Variants in EXT1 observed in about 807,000 individuals in gnomAD.
EXT1 encodes exostosin glycosyltransferase 1.
EXT1 carries 20 observed loss-of-function variants against 82.5 expected under a neutral mutation model. The observed-to-expected ratio is 0.24, with a 90% CI of 0.17 to 0.35. The LOEUF (loss-of-function observed/expected upper bound fraction) is 0.35, where lower values mean the gene tolerates loss of function less well. Among genes scored for constraint, EXT1 ranks in the 10% least tolerant of loss-of-function variants. EXT1 has a pLI of 1.00. For synonymous variants in EXT1, 348 were observed against 350.8 expected, an observed-to-expected ratio of 0.99 and a Z score of 0.09; for missense variants, 757 against 936.5, an observed-to-expected ratio of 0.81 and a Z score of 2.50.
intron 1 of EXT1, among the ~76,000 whole-genome samples, chr8:117,980,600 C>T (rs1815169616): frequency 6.6e-6 from 1 of 151,418 alleles, no homozygotes; most frequent in African/African-American, 2.4e-5. Flanking sequence ...TGCAGAAGAA[C>T]AACTATTCTC....
intron 1 of EXT1, among the ~76,000 whole-genome samples, chr8:117,974,419 T>A (rs994628403): frequency 6.6e-6 from 1 of 152,182 alleles, no homozygotes; most frequent in Admixed American, 6.5e-5. Flanking sequence ...TTCACAAAGC[T>A]GCTTTACAGT....
At chr8:117,902,111 C>A (rs1813461116) in intron 1 of EXT1, among the ~76,000 whole-genome samples, 1 of 151,766 alleles carries the variant, frequency 6.6e-6, no homozygotes, top group Non-Finnish European at 1.5e-5. Flanking sequence ...TCATCAGTAT[C>A]TCTGTCTTCC....
chr8:118,075,651 A>T (rs567500489), intron 1 of EXT1, among the ~76,000 whole-genome samples: 3 of 152,260 alleles, frequency 2.0e-5, no homozygotes, highest in African/African-American at 7.2e-5. Context: ...ATTTATAAAG[A>T]AAAGAGGTTT....
chr8:118,110,399 C>T lies in EXT1; in HGVS notation c.648G>A (p.Leu216=), dbSNP rs2130042468. The T allele has an allele frequency of 6.2e-7, 1 of 1,614,120 alleles. No individual in the cohort carries two copies. Among genetic ancestry groups the T allele is most frequent in the Non-Finnish European group, 8.5e-7 (1 of 1,180,020 alleles). ...TTTCAGTACTGATGCTGGCTTTGGC[C>T]AGCATCGCCTGGCCGATGTCAAACC... The part of the protein sequence containing the change: ...DVGFDIGQAM[L]AKASISTENF... Residue 216 remains leucine (L), a synonymous_variant, in exon 1 of 11, where the codon CTG becomes CTA. Transcript: ENST00000378204.
In EXT1 at chr8:117,796,623, G is replaced by A. The variant is rs1254270602; in HGVS notation, c.*3089C>T. 1 of 152,122 alleles carries A rather than the reference G, an allele frequency of 6.6e-6. No individual in the cohort carries two copies. Among genetic ancestry groups the A allele is most frequent in the Non-Finnish European group, 1.5e-5 (1 of 68,016 alleles). 9.4% of individuals were successfully genotyped at this position (152,122 alleles called of 1,614,324 possible). On this transcript the variant is annotated 3_prime_UTR_variant, in exon 11 of 11. Transcript: ENST00000378204. ...ATTTGTCACAAGAAGAAATTAAACT[G>A]TAATGCACATAAGATTCCAGTAACA...
At chr8:117,930,404 T>C (rs975596708) in intron 1 of EXT1, among the ~76,000 whole-genome samples, 4 of 150,080 alleles carry the variant, frequency 2.7e-5, no homozygotes, top group African/African-American at 9.9e-5. Context: ...AAAAAAAAAA[T>C]AGGACATTTA....
chr8:117,804,956 G>T lies in EXT1; in HGVS notation c.1884-63C>A, dbSNP rs1390841968. ...ATCACATGATGACAAGTGGACTTCTGAGACAGAAAACACATACCCATTCTT... is the reference window on the plus strand; with the variant it reads ...ATCACATGATGACAAGTGGACTTCTTAGACAGAAAACACATACCCATTCTT... On this transcript the variant is annotated intron_variant, in intron 9 of 10. Transcript: ENST00000378204. The T allele has an allele frequency of 9.1e-6, 14 of 1,534,630 alleles. No homozygotes were observed. The Admixed American group carries it at 2.3e-4, about 26-fold the overall frequency.
At chr8:117,852,320 G>A (rs928488498) in intron 1 of EXT1, among the ~76,000 whole-genome samples, 3 of 152,156 alleles carry the variant, frequency 2.0e-5, no homozygotes, top group Non-Finnish European at 4.4e-5. Context: ...AAATGCAAGG[G>A]ACTAATTTAT....
At chr8:118,104,495 G>C (rs1817775322) in intron 1 of EXT1, among the ~76,000 whole-genome samples, 3 of 152,248 alleles carry the variant, frequency 2.0e-5, no homozygotes, top group South Asian at 4.2e-4. Context: ...TCTTCTTCCA[G>C]AGTATGAAGG....
chr8:118,008,056 C>T (rs780425556), intron 1 of EXT1, among the ~76,000 whole-genome samples: 65 of 152,260 alleles, frequency 4.3e-4, no homozygotes, highest in East Asian at 2.5e-3. Context: ...ATCTGATGCT[C>T]TCCCTCCCTT....
At chr8:117,908,989 G>T (rs917344875) in intron 1 of EXT1, among the ~76,000 whole-genome samples, 2 of 151,696 alleles carry the variant, frequency 1.3e-5, no homozygotes, top group African/African-American at 4.8e-5. Context: ...AAAATTAGCT[G>T]GGCGTGGTTG....
chr8:118,058,632 A>G (rs1186797357), intron 1 of EXT1, among the ~76,000 whole-genome samples: 5 of 152,206 alleles, frequency 3.3e-5, no homozygotes, highest in African/African-American at 1.2e-4. Flanking sequence ...AGGATTACTA[A>G]TCCACCTTAT....
intron 3 of EXT1, among the ~76,000 whole-genome samples, chr8:117,832,246 G>A (rs967875761): frequency 1.3e-5 from 2 of 152,128 alleles, no homozygotes; most frequent in Non-Finnish European, 2.9e-5. Flanking sequence ...AATGCCTAAG[G>A]CCGGGCGCGG....
intron 1 of EXT1, among the ~76,000 whole-genome samples, chr8:117,973,790 A>AAAAGAAAAGAAGAGATGAAAGG (rs1257147184): frequency 9.7e-5 from 14 of 143,828 alleles, no homozygotes; most frequent in African/African-American, 3.7e-4. Context: ...GAGATGAAAG[A>AAAAGAAAAGAAGAGATGAAAGG]AAAGAAAAGA....
Position 117,822,577 on chromosome 8 carries a change from G to T in EXT1, c.1305C>A (p.Phe435Leu), listed in dbSNP as rs183760697. The T allele has an allele frequency of 1.4e-5, 23 of 1,613,120 alleles. No homozygotes were observed. The East Asian group carries it at 4.7e-4, about 33-fold the overall frequency. ...TTAAACTGTTACGTGATATGTGCTT[G>T]AATATTCTGTCCTGAATAATCTAGA... ...TTLEIIQDRI[F>L]KHISRNSLIW... Residue 435 changes from phenylalanine (F) to leucine (L), a missense_variant, in exon 5 of 11, where the codon TTC (phenylalanine) becomes TTA (leucine). Coordinates refer to ENST00000378204, the MANE Select transcript of EXT1 (RefSeq NM_000127.3).
chr8:117,797,335 T>G lies in EXT1; in HGVS notation c.*2377A>C, dbSNP rs1586986060. 1 of 152,202 alleles carries G rather than the reference T, an allele frequency of 6.6e-6. No homozygotes were observed. The allele number at this position is 152,202 out of a possible 1,614,324, so 9.4% of individuals were successfully genotyped here. On this transcript the variant is annotated 3_prime_UTR_variant, in exon 11 of 11. Coordinates refer to ENST00000378204, the MANE Select transcript of EXT1 (RefSeq NM_000127.3). The stretch of plus-strand genomic sequence containing the variant: ...GGAGATTTAAAGTGGATGAAAGGTG[T>G]GTTATATCCTGTTCTTATTTATAAT...
At chr8:117,938,383 G>A (rs1375256377) in intron 1 of EXT1, among the ~76,000 whole-genome samples, 1 of 152,112 alleles carries the variant, frequency 6.6e-6, no homozygotes, top group Non-Finnish European at 1.5e-5. Flanking sequence ...AATTGCTTGA[G>A]GCCAGGAGGT....
chr8:117,860,790 T>C (rs1812668880), intron 1 of EXT1, among the ~76,000 whole-genome samples: 1 of 152,208 alleles, frequency 6.6e-6, no homozygotes, highest in South Asian at 2.1e-4. Flanking sequence ...CACGGCAAAT[T>C]AGCAGAAGCT....
intron 1 of EXT1, among the ~76,000 whole-genome samples, chr8:117,920,100 T>TTTTTA (rs1387255437): frequency 6.6e-6 from 1 of 152,032 alleles, no homozygotes; most frequent in South Asian, 2.1e-4. Flanking sequence ...GAAAATTCAA[T>TTTTTA]TTTTATTTTA....
Sources: gnomAD v4.1 joint callset for allele counts (sites outside exome capture counted in the v4.1 genomes callset) on GRCh38, gnomAD v4.1.1 for gene constraint, MANE v1.5 for transcripts, NCBI Gene and HGNC (gene_info 2026-07-23, HGNC 2026-07-21) for gene names.